Variants in PIGK observed in about 807,000 individuals in gnomAD.
PIGK encodes the protein phosphatidylinositol glycan anchor biosynthesis class K.
Under a neutral mutation model 50.6 loss-of-function variants are expected in PIGK, and 42 were observed. The ratio of observed to expected loss-of-function variants is 0.83; its 90% CI spans 0.65 to 1.07. PIGK has a LOEUF of 1.07. Ranked by LOEUF, PIGK falls within the 50% of genes least tolerant of loss-of-function variation. The probability of loss-of-function intolerance (pLI) is 0.00; values close to 1 mark genes in which losing one functional copy is unlikely to be tolerated. For synonymous variants in PIGK, 151 were observed against 156.0 expected, an observed-to-expected ratio of 0.97 and a Z score of 0.24; for missense variants, 448 against 488.7, an observed-to-expected ratio of 0.92 and a Z score of 0.78.
chr1:77,156,732 A>C (rs1347339524), intron 8 of PIGK, among the ~76,000 whole-genome samples: 1 of 152,208 alleles, frequency 6.6e-6, no homozygotes, highest in Admixed American at 6.5e-5. Context: ...AGAAAAAGTT[A>C]TGACTAATCT....
At chr1:77,163,263 T>C (rs1655167675) in intron 6 of PIGK, among the ~76,000 whole-genome samples, 1 of 152,172 alleles carries the variant, frequency 6.6e-6, no homozygotes, top group Non-Finnish European at 1.5e-5. Flanking sequence ...AGAATAAGCA[T>C]CATATTCCAC....
At chr1:77,180,307 G>T (rs1487786571) in intron 3 of PIGK, among the ~76,000 whole-genome samples, 3 of 152,116 alleles carry the variant, frequency 2.0e-5, no homozygotes, top group Non-Finnish European at 4.4e-5. Context: ...CACTGGAATT[G>T]TATAGCAAGT....
intron 3 of PIGK, among the ~76,000 whole-genome samples, chr1:77,177,664 T>C (rs1655517947): frequency 6.6e-6 from 1 of 152,170 alleles, no homozygotes; most frequent in African/African-American, 2.4e-5. Flanking sequence ...CACACCTCTA[T>C]ATTTCTGTGT....
intron 8 of PIGK, among the ~76,000 whole-genome samples, chr1:77,155,632 A>G (rs972931393): frequency 4.6e-5 from 7 of 152,090 alleles, no homozygotes; most frequent in East Asian, 1.9e-4. Flanking sequence ...ACGAGGACTT[A>G]CTGGTGGGAA....
chr1:77,199,664 C>A (rs1656116852), intron 3 of PIGK, among the ~76,000 whole-genome samples: 1 of 150,756 alleles, frequency 6.6e-6, no homozygotes, highest in Admixed American at 6.6e-5. Context: ...CAGTGACCAC[C>A]CTAATCAGAG....
At chr1:77,188,593 AT>A (rs1431006321) in intron 3 of PIGK, among the ~76,000 whole-genome samples, 1 of 151,982 alleles carries the variant, frequency 6.6e-6, no homozygotes, top group Non-Finnish European at 1.5e-5. Flanking sequence ...GCCTTGTGAT[AT>A]TCTATTACCC....
chr1:77,163,283 T>C (rs1284510797), intron 6 of PIGK, among the ~76,000 whole-genome samples: 1 of 152,144 alleles, frequency 6.6e-6, no homozygotes, highest in Non-Finnish European at 1.5e-5. Flanking sequence ...CTTTCTGCCA[T>C]AGGAATGGAA....
At chr1:77,133,658 C>T (rs1404704744) in intron 9 of PIGK, among the ~76,000 whole-genome samples, 1 of 152,134 alleles carries the variant, frequency 6.6e-6, no homozygotes, top group East Asian at 1.9e-4. Flanking sequence ...ACTCTGATCA[C>T]TTTTACTCAT....
At chr1:77,112,302 T>C (rs2100520463) in intron 10 of PIGK, among the ~76,000 whole-genome samples, 1 of 150,904 alleles carries the variant, frequency 6.6e-6, no homozygotes, top group South Asian at 2.1e-4. Context: ...AACTAACTCC[T>C]AGTTACATTA....
chr1:77,128,616 T>G (rs576135949), intron 9 of PIGK, among the ~76,000 whole-genome samples: 19 of 152,278 alleles, frequency 1.2e-4, no homozygotes, highest in African/African-American at 4.6e-4. Flanking sequence ...AATTCTAAAA[T>G]AGTAGTGTAG....
intron 2 of PIGK, among the ~76,000 whole-genome samples, chr1:77,208,048 C>A (rs902251186): frequency 6.6e-6 from 1 of 151,790 alleles, no homozygotes; most frequent in African/African-American, 2.4e-5. Context: ...ACAATGAGAC[C>A]CCCATCTCTA....
rs562278272 is a variant in PIGK, at chr1:77,107,168, T to C, written c.1072-14678A>G. On this transcript the variant is annotated intron_variant, in intron 10 of 10. Coordinates refer to ENST00000370812, the MANE Select transcript of PIGK (RefSeq NM_005482.3). ...TTTACTCTTGCTTCTCTAGTTCTTT[T>C]AATTGTGATGTTAGGGTGTCCATTT... Among the ~76,000 whole-genome samples the C allele has an allele frequency of 5.9e-5, 9 of 152,324 alleles. No individual in the cohort carries two copies. The South Asian group carries it at 1.5e-3, about 25-fold the overall frequency.
At chr1:77,209,740 GA>G (rs1386657877) in intron 2 of PIGK, among the ~76,000 whole-genome samples, 5 of 151,990 alleles carry the variant, frequency 3.3e-5, no homozygotes, top group Non-Finnish European at 7.4e-5. Flanking sequence ...ACAGCTTTTG[GA>G]AAAGATTATA....
Position 77,089,321 on chromosome 1 carries a change from T to C in PIGK, c.*3053A>G, listed in dbSNP as rs545256072. On this transcript the variant is annotated 3_prime_UTR_variant, in exon 11 of 11. Coordinates refer to ENST00000370812, the MANE Select transcript of PIGK (RefSeq NM_005482.3). ...CACTGAAGCAATAAGGCCAATTCTT[T>C]AAAGCAAAAATGGATACTGATCTCA... The C allele has an allele frequency of 6.6e-6, 1 of 152,200 alleles. No homozygotes were observed. Among genetic ancestry groups the C allele is most frequent in the East Asian group, 1.9e-4 (1 of 5,190 alleles). 9.4% of individuals were successfully genotyped at this position (152,200 alleles called of 1,614,324 possible). A position where few individuals can be genotyped will look rare whatever the true frequency, so the allele number is the denominator to read the frequency against.
At chr1:77,097,950 T>G in intron 10 of PIGK, among the ~76,000 whole-genome samples, 1 of 151,784 alleles carries the variant, frequency 6.6e-6, no homozygotes, top group African/African-American at 2.4e-5. Flanking sequence ...CAGAGAGGGG[T>G]AAACAGTCAG....
At chr1:77,148,050 G>T (rs1004607701) in intron 9 of PIGK, among the ~76,000 whole-genome samples, 1 of 152,124 alleles carries the variant, frequency 6.6e-6, no homozygotes, top group Non-Finnish European at 1.5e-5. Context: ...AATATGTGTA[G>T]AAAGTATTTC....
Position 77,141,893 on chromosome 1 carries a change from A to G in PIGK, c.986+12556T>C, listed in dbSNP as rs145076152. On this transcript the variant is annotated intron_variant, in intron 9 of 10. Transcript: ENST00000370812. ...AGCTTTCTAACAAATAAAAGTTAAC[A>G]GCTGTGACCCAAAATTGGTATCCAA... Among the ~76,000 whole-genome samples, 1,237 of 152,242 alleles carry G rather than the reference A, an allele frequency of 8.1e-3. 16 individuals are homozygous for G. Among genetic ancestry groups the G allele is most frequent in the Non-Finnish European group, 7.5e-3 (510 of 67,996 alleles).
At chr1:77,189,907 C>T (rs1004687104) in intron 3 of PIGK, among the ~76,000 whole-genome samples, 13 of 151,574 alleles carry the variant, frequency 8.6e-5, no homozygotes, top group South Asian at 2.1e-4. Flanking sequence ...TTATCTCATA[C>T]ACTATTTTTA....
chr1:77,135,771 T>C (rs1654494354), intron 9 of PIGK, among the ~76,000 whole-genome samples: 2 of 151,912 alleles, frequency 1.3e-5, no homozygotes, highest in African/African-American at 4.8e-5. Flanking sequence ...CTATTAAAAT[T>C]TACAACCCTT....
Sources: allele counts gnomAD v4.1 joint callset (sites outside exome capture counted in the v4.1 genomes callset), GRCh38; gene constraint gnomAD v4.1.1; transcripts MANE v1.5; gene names NCBI Gene and HGNC (gene_info 2026-07-23, HGNC 2026-07-21).